Variants in BRIP1 observed in about 807,000 individuals in gnomAD.
The protein encoded by BRIP1 is Fanconi anemia group J protein.
Under a neutral mutation model 119.7 loss-of-function variants are expected in BRIP1, and 88 were observed. The observed-to-expected ratio is 0.74, with a 90% CI of 0.62 to 0.88. The LOEUF is 0.88. Among genes scored for constraint, BRIP1 ranks in the 40% least tolerant of loss-of-function variants. BRIP1 has a pLI of 0.00. For missense variants in BRIP1, 1,259 were observed against 1,455.4 expected (o/e 0.87, Z 2.20); for synonymous variants, 443 against 496.5 (o/e 0.89, Z 1.43).
In BRIP1 at chr17:61,772,682, G is replaced by A. The variant is rs1048294210; in HGVS notation, c.2097+3719C>T. On this transcript the variant is annotated intron_variant, in intron 14 of 19. Coordinates refer to ENST00000259008, the MANE Select transcript of BRIP1 (RefSeq NM_032043.3). ...AAAAATACAAAATTAGCCGGGTGTG[G>A]TGGCACATGACTGCAATCCCAGCTA... Among the ~76,000 whole-genome samples, 4 of 151,888 alleles carry A rather than the reference G, an allele frequency of 2.6e-5. No individual in the cohort carries two copies. The East Asian group carries it at 7.7e-4, about 29-fold the overall frequency.
chr17:61,784,134 A>C, intron 11 of BRIP1, 136 bp downstream of exon 11: 1 of 757,962 alleles, frequency 1.3e-6, no homozygotes, highest in South Asian at 1.8e-5. Flanking sequence ...ATAAGAGCAA[A>C]TATATAATAA....
At position 61,775,560 on chromosome 17, in the gene BRIP1, G is replaced by C. The variant is rs1468022982; in HGVS notation, c.2097+841C>G. On this transcript the variant is annotated intron_variant, in intron 14 of 19. Transcript: ENST00000259008. This position sits in a 1 kb window ranked among gnomAD's most constrained non-coding sequence, Gnocchi z 4.4. ...GTGATGTTACTTTCAGGAATTATAA[G>C]TGGTTTCAATGCTTTGAATGTTAGG... Among the ~76,000 whole-genome samples the C allele has an allele frequency of 1.3e-5, 2 of 152,134 alleles. No individual in the cohort carries two copies. Among genetic ancestry groups the C allele is most frequent in the African/African-American group, 4.8e-5 (2 of 41,420 alleles).
At chr17:61,820,645 C>A (rs529171645) in intron 6 of BRIP1, among the ~76,000 whole-genome samples, 1 of 152,130 alleles carries the variant, frequency 6.6e-6, no homozygotes, top group South Asian at 2.1e-4. Context: ...AGTTGCCAAC[C>A]CTGGTTACAA....
intron 5 of BRIP1, 121 bp downstream of exon 5, chr17:61,849,008 A>G (rs2078774930): frequency 9.2e-6 from 10 of 1,091,880 alleles, no homozygotes; most frequent in Non-Finnish European, 5.5e-6. Flanking sequence ...ACAACAAATT[A>G]TTAATTTATG....
chr17:61,776,645 A>C lies in BRIP1; in HGVS notation c.1936-83T>G, dbSNP rs2077539596. 7.1e-7 allele frequency: 1 copy of C among 1,403,746 alleles called. No individual in the cohort carries two copies. The highest frequency in any genetic ancestry group is 1.4e-5 in the African/African-American group (1 of 70,352). The allele number at this position is 1,403,746 out of a possible 1,614,324, so 87.0% of individuals were successfully genotyped here. On this transcript the variant is annotated intron_variant, in intron 13 of 19. Transcript: ENST00000259008. This position sits in a 1 kb window ranked among gnomAD's most constrained non-coding sequence, Gnocchi z 5.0. ...ATTTATTTGGAAGTATGTACATAAA[A>C]GATCAAGCAACAAGTTTAACAATTT...
rs1398521749 is a variant in BRIP1, at chr17:61,828,839, CAT to C, written c.627+18260_627+18261del. Among the ~76,000 whole-genome samples, 2 of 152,052 alleles carry C rather than the reference CAT, an allele frequency of 1.3e-5. No homozygotes were observed. The highest frequency in any genetic ancestry group is 2.9e-5 in the Non-Finnish European group (2 of 68,002). ...AATATTTGACAAAAATGGCACAAAA[CAT>C]GGGAGAGTAGACACGGAAGTATATT... On this transcript the variant is annotated intron_variant, in intron 6 of 19. Coordinates refer to ENST00000259008, the MANE Select transcript of BRIP1 (RefSeq NM_032043.3). This position sits in a 1 kb window ranked among gnomAD's most constrained non-coding sequence, Gnocchi z 4.1.
chr17:61,711,552 C>CAA (rs767245611), intron 17 of BRIP1, among the ~76,000 whole-genome samples: 2 of 152,026 alleles, frequency 1.3e-5, no homozygotes, highest in Non-Finnish European at 2.9e-5. Flanking sequence ...TGAAGAAAAA[C>CAA]ACATGCAGAA....
intron 3 of BRIP1, among the ~76,000 whole-genome samples, chr17:61,858,375 G>GTTT (rs573831950): frequency 3.5e-5 from 5 of 141,780 alleles, no homozygotes; most frequent in African/African-American, 1.0e-4. Context: ...AGTATTTACT[G>GTTT]TTTTTTTTTT....
chr17:61,796,467 G>A lies in BRIP1; in HGVS notation c.1340+2633C>T, dbSNP rs1167526926. Among the ~76,000 whole-genome samples, 3 of 151,994 alleles carry A rather than the reference G, an allele frequency of 2.0e-5. No homozygotes were observed. The highest frequency in any genetic ancestry group is 4.4e-5 in the Non-Finnish European group (3 of 67,948). ...GATAGGGGTCTTGTTTTATTCTCCT[G>A]TAGATGGATATCCAGTTTTCCCGGC... On this transcript the variant is annotated intron_variant, in intron 9 of 19. Coordinates refer to ENST00000259008, the MANE Select transcript of BRIP1 (RefSeq NM_032043.3). The surrounding 1 kb of genome is among the most constrained non-coding windows in gnomAD (Gnocchi z 4.8).
chr17:61,843,243 G>A lies in BRIP1; in HGVS notation c.627+3858C>T, dbSNP rs2078682869. Among the ~76,000 whole-genome samples, 1 of 152,098 alleles carries A rather than the reference G, an allele frequency of 6.6e-6. No homozygotes were observed. Among genetic ancestry groups the A allele is most frequent in the Admixed American group, 6.6e-5 (1 of 15,264 alleles). On this transcript the variant is annotated intron_variant, in intron 6 of 19. Coordinates refer to ENST00000259008, the MANE Select transcript of BRIP1 (RefSeq NM_032043.3). This position sits in a 1 kb window ranked among gnomAD's most constrained non-coding sequence, Gnocchi z 5.7. ...GATTTGAGGAGATGTTGATCAAAGA[G>A]TAAAAAGTTGAATCTACATAGGATG...
At chr17:61,707,057 A>T (rs1394741377) in intron 17 of BRIP1, among the ~76,000 whole-genome samples, 1 of 151,866 alleles carries the variant, frequency 6.6e-6, no homozygotes, top group Non-Finnish European at 1.5e-5. Flanking sequence ...TTGATGGAGC[A>T]CATCTTCCAG....
Position 61,722,704 on chromosome 17 carries a change from AG to A in BRIP1, c.2380-6642del, listed in dbSNP as rs1366157350. 1.3e-5 allele frequency among the ~76,000 whole-genome samples: 2 copies of A among 152,250 alleles called. No individual in the cohort carries two copies. Among genetic ancestry groups the A allele is most frequent in the African/African-American group, 4.8e-5 (2 of 41,474 alleles). ...GACAACAGTTGCTCTAGGACGTATTAGTTATAAATGGAATATTTAGAGTGAA... is the reference window on the plus strand; with the variant it reads ...GACAACAGTTGCTCTAGGACGTATTATTATAAATGGAATATTTAGAGTGAA... On this transcript the variant is annotated intron_variant, in intron 16 of 19. Transcript: ENST00000259008. This position sits in a 1 kb window ranked among gnomAD's most constrained non-coding sequence, Gnocchi z 4.6.
In BRIP1 at chr17:61,685,966, T is replaced by C. The variant is rs1340804078; in HGVS notation, c.2775A>G (p.Ala925=). The C allele has an allele frequency of 6.2e-7, 1 of 1,614,084 alleles. No homozygotes were observed. The highest frequency in any genetic ancestry group is 8.5e-7 in the Non-Finnish European group (1 of 1,179,938). The change falls in exon 19 of 20, where the codon GCA becomes GCG. Residue 925 remains alanine, a synonymous_variant. Coordinates refer to ENST00000259008, the MANE Select transcript of BRIP1 (RefSeq NM_032043.3). ...KYSTSPYLLE[A]ASHLSPENFV... ...AATTTTCTGGTGATAGATGACTTGC[T>C]GCTTCCAGTAAATAAGGTGAGGTAC...
chr17:61,781,598 A>G (rs888129270), intron 11 of BRIP1, among the ~76,000 whole-genome samples: 5 of 152,146 alleles, frequency 3.3e-5, no homozygotes, highest in South Asian at 2.1e-4. Flanking sequence ...ACTGCTTTCA[A>G]TAAGAATCTA....
rs900058837 is a variant in BRIP1, at chr17:61,726,709, T to C, written c.2380-10646A>G. Among the ~76,000 whole-genome samples, 5 of 152,286 alleles carry C rather than the reference T, an allele frequency of 3.3e-5. No individual in the cohort carries two copies. Among genetic ancestry groups the C allele is most frequent in the Admixed American group, 2.6e-4 (4 of 15,286 alleles). On this transcript the variant is annotated intron_variant, in intron 16 of 19. Coordinates refer to ENST00000259008, the MANE Select transcript of BRIP1 (RefSeq NM_032043.3). This position sits in a 1 kb window ranked among gnomAD's most constrained non-coding sequence, Gnocchi z 6.2. ...ATATTTTAAAAAATAACTTCTACAA[T>C]TGATCTTAAATTTTCTAAGAAATTT...
In BRIP1 at chr17:61,689,258, G is replaced by A. The variant is rs536879406; in HGVS notation, c.2576-3093C>T. Among the ~76,000 whole-genome samples the A allele has an allele frequency of 6.6e-6, 1 of 152,052 alleles. No homozygotes were observed. The highest frequency in any genetic ancestry group is 2.4e-5 in the African/African-American group (1 of 41,458). On this transcript the variant is annotated intron_variant, in intron 18 of 19. Transcript: ENST00000259008. The surrounding 1 kb of genome is among the most constrained non-coding windows in gnomAD (Gnocchi z 4.5). ...GGGGTTTCACCACGTTGGCCAGGCT[G>A]GTCTTGAACTCCTGACCTCAAGTGA... is the stretch of plus-strand genomic sequence containing the variant.
At chr17:61,784,503 C>A (rs182302236) in intron 10 of BRIP1, 79 bp from the exon 11 acceptor site, 170 of 1,307,202 alleles carry the variant, frequency 1.3e-4, no homozygotes, top group Non-Finnish European at 3.3e-6. Flanking sequence ...TACAATGAAA[C>A]CCAACAAAAC....
rs926625987 is a variant in BRIP1, at chr17:61,734,820, A to G, written c.2379+8193T>C. On this transcript the variant is annotated intron_variant, in intron 16 of 19. Coordinates refer to ENST00000259008, the MANE Select transcript of BRIP1 (RefSeq NM_032043.3). This position sits in a 1 kb window ranked among gnomAD's most constrained non-coding sequence, Gnocchi z 5.2. ...CCATAATCTTTCTCAAATTTAAGAA[A>G]AAATTTTAGTATCATAAAATTAATG... Among the ~76,000 whole-genome samples, 4 of 152,216 alleles carry G rather than the reference A, an allele frequency of 2.6e-5. No homozygotes were observed. The highest frequency in any genetic ancestry group is 5.9e-5 in the Non-Finnish European group (4 of 68,026).
At chr17:61,737,188 CA>C (rs1178401914) in intron 16 of BRIP1, among the ~76,000 whole-genome samples, 1 of 152,036 alleles carries the variant, frequency 6.6e-6, no homozygotes, top group Non-Finnish European at 1.5e-5. Flanking sequence ...CACAAGAAAA[CA>C]AATAGCTACA....
Sources: gnomAD v4.1 joint callset for allele counts (sites outside exome capture counted in the v4.1 genomes callset) on GRCh38, gnomAD v4.1.1 for gene constraint, Gnocchi (gnomAD v3.1) non-coding constraint, MANE v1.5 for transcripts, NCBI Gene and HGNC (gene_info 2026-07-23, HGNC 2026-07-21) for gene names.